Variants in NCAM2 observed in about 807,000 individuals in gnomAD.
NCAM2 encodes neural cell adhesion molecule 2.
NCAM2 carries 30 observed loss-of-function variants against 98.1 expected under a neutral mutation model. The observed-to-expected ratio is 0.31, with a 90% CI of 0.23 to 0.41. NCAM2 has a LOEUF of 0.41. Among genes scored for constraint, NCAM2 ranks in the 10% least tolerant of loss-of-function variants. NCAM2 has a pLI of 1.00. For synonymous variants in NCAM2, 368 were observed against 342.4 expected (o/e 1.07, Z -0.83); for missense variants, 867 against 1,005.8 (o/e 0.86, Z 1.87).
chr21:21,280,686 G>A, intron 2 of NCAM2, 34 bp downstream of exon 2: 2 of 1,345,866 alleles, frequency 1.5e-6, no homozygotes, highest in Non-Finnish European at 1.0e-6. Context: ...CAGATAACGT[G>A]GTTTCTGTTA....
chr21:21,061,451 A>T (rs2065319569), intron 1 of NCAM2, among the ~76,000 whole-genome samples: 1 of 152,142 alleles, frequency 6.6e-6, no homozygotes, highest in Non-Finnish European at 1.5e-5. Flanking sequence ...GTCTTGATGA[A>T]CATTCATGAT....
At chr21:21,265,389 C>T (rs1232254084) in intron 1 of NCAM2, among the ~76,000 whole-genome samples, 1 of 106 alleles carries the variant, frequency 9.4e-3, no homozygotes, top group African/African-American at 0.062. Flanking sequence ...CATATATGTA[C>T]ACACCATATA....
At chr21:21,258,689 C>T (rs753014942) in intron 1 of NCAM2, among the ~76,000 whole-genome samples, 9 of 152,078 alleles carry the variant, frequency 5.9e-5, no homozygotes, top group Non-Finnish European at 1.0e-4. Context: ...AGGTGGCAGG[C>T]GCCATACTGT....
At chr21:21,243,466 C>T (rs921848036) in intron 1 of NCAM2, among the ~76,000 whole-genome samples, 2 of 152,132 alleles carry the variant, frequency 1.3e-5, no homozygotes, top group Non-Finnish European at 2.9e-5. Context: ...TTAAGAAGTA[C>T]AGACATGCTT....
At chr21:21,282,856 C>G (rs141431688) in intron 2 of NCAM2, among the ~76,000 whole-genome samples, 272 of 151,764 alleles carry the variant, frequency 1.8e-3, no homozygotes, top group African/African-American at 6.5e-3. Flanking sequence ...ACAATTATAA[C>G]AGCTTTATGA....
chr21:21,526,576 G>A (rs1321871814), intron 16 of NCAM2, among the ~76,000 whole-genome samples: 1 of 152,058 alleles, frequency 6.6e-6, no homozygotes, highest in East Asian at 1.9e-4. Context: ...TAGAGTCAGT[G>A]TAATCCCAAC....
At chr21:21,382,584 C>T (rs890790834) in intron 9 of NCAM2, among the ~76,000 whole-genome samples, 1 of 150,000 alleles carries the variant, frequency 6.7e-6, no homozygotes, top group Admixed American at 6.7e-5. Flanking sequence ...GGTGTGATCT[C>T]CGCTCACCGC....
At chr21:21,507,725 G>T (rs1988076836) in intron 15 of NCAM2, among the ~76,000 whole-genome samples, 1 of 150,040 alleles carries the variant, frequency 6.7e-6, no homozygotes, top group Admixed American at 6.7e-5. Flanking sequence ...GGGAGGTGGA[G>T]GTTACAGTGA....
chr21:21,480,366 C>CA (rs59203448), intron 15 of NCAM2, among the ~76,000 whole-genome samples: 2,948 of 69,408 alleles, frequency 0.042, 120 homozygotes, highest in African/African-American at 0.093. Flanking sequence ...GACTCCATCT[C>CA]AAAAAAAAAA....
At chr21:21,402,714 G>A (rs546912875) in intron 9 of NCAM2, among the ~76,000 whole-genome samples, 5 of 152,164 alleles carry the variant, frequency 3.3e-5, no homozygotes, top group South Asian at 2.1e-4. Context: ...GATATGAGAT[G>A]TCACCCCTAG....
chr21:21,341,438 T>G (rs1336974925), intron 8 of NCAM2, among the ~76,000 whole-genome samples: 1 of 152,156 alleles, frequency 6.6e-6, no homozygotes, highest in East Asian at 1.9e-4. Context: ...AATTAACAGC[T>G]AATATTTCCA....
intron 8 of NCAM2, among the ~76,000 whole-genome samples, chr21:21,356,744 A>C (rs1479961686): frequency 6.6e-6 from 1 of 152,146 alleles, no homozygotes; most frequent in Non-Finnish European, 1.5e-5. Flanking sequence ...TAATCCCAGC[A>C]CTTTGGGAGG....
chr21:21,474,473 A>G (rs951724998), intron 14 of NCAM2, among the ~76,000 whole-genome samples: 9 of 152,126 alleles, frequency 5.9e-5, no homozygotes, highest in African/African-American at 2.2e-4. Flanking sequence ...CCTGAAGGAC[A>G]TGACATCTAT....
intron 1 of NCAM2, among the ~76,000 whole-genome samples, chr21:21,169,525 A>G (rs1029994405): frequency 2.0e-5 from 3 of 152,226 alleles, no homozygotes; most frequent in African/African-American, 7.2e-5. Flanking sequence ...AGAAAAAAAT[A>G]TTTGCACAAG....
chr21:21,219,929 A>G (rs1410496978), intron 1 of NCAM2, among the ~76,000 whole-genome samples: 2 of 152,210 alleles, frequency 1.3e-5, no homozygotes, highest in Non-Finnish European at 2.9e-5. Flanking sequence ...AACAAAAAAC[A>G]TAAAACAGTT....
At chr21:21,473,203 A>G (rs1205511293) in intron 14 of NCAM2, among the ~76,000 whole-genome samples, 2 of 151,144 alleles carry the variant, frequency 1.3e-5, no homozygotes, top group African/African-American at 4.9e-5. Flanking sequence ...TGGTCTCTCG[A>G]TGAATCTGAC....
At chr21:21,324,121 C>T (rs1050867625) in intron 5 of NCAM2, among the ~76,000 whole-genome samples, 42 of 152,044 alleles carry the variant, frequency 2.8e-4, no homozygotes, top group African/African-American at 9.9e-4. Context: ...GAACACAGAT[C>T]ATTGATGGAC....
chr21:21,381,026 G>T (rs928061893), intron 9 of NCAM2, among the ~76,000 whole-genome samples: 1 of 152,092 alleles, frequency 6.6e-6, no homozygotes, highest in African/African-American at 2.4e-5. Context: ...TAACCTGTCT[G>T]CATTTTTATG....
At chr21:21,232,685 G>T (rs1049832826) in intron 1 of NCAM2, among the ~76,000 whole-genome samples, 1 of 151,724 alleles carries the variant, frequency 6.6e-6, no homozygotes, top group South Asian at 2.1e-4. Context: ...ATTTTTATGT[G>T]TAGACATTAT....
Sources: allele counts gnomAD v4.1 joint callset (sites outside exome capture counted in the v4.1 genomes callset), GRCh38; gene constraint gnomAD v4.1.1; transcripts MANE v1.5; gene names NCBI Gene and HGNC (gene_info 2026-07-23, HGNC 2026-07-21).